HEATR5B: variants seen among roughly 807,000 people sequenced by gnomAD.
HEATR5B encodes HEAT repeat containing 5B.
In HEATR5B, 156 loss-of-function variants were observed where a neutral mutation model predicts 224.1. That is an observed-to-expected ratio of 0.70 (90% CI 0.61 to 0.80). The LOEUF is 0.80. HEATR5B is among the 30% of genes least tolerant of loss of function. The pLI is 0.00. For missense variants in HEATR5B, 2,323 were observed against 2,535.5 expected, an observed-to-expected ratio of 0.92 and a Z score of 1.80; for synonymous variants, 1,027 against 893.0, an observed-to-expected ratio of 1.15 and a Z score of -2.68.
chr2:37,007,269 C>A lies in HEATR5B; in HGVS notation c.4558G>T (p.Ala1520Ser), dbSNP rs1482952689. 1 of 1,612,968 alleles carries A rather than the reference C, an allele frequency of 6.2e-7. No homozygotes were observed. The highest frequency in any genetic ancestry group is 1.1e-5 in the South Asian group (1 of 91,044). The change falls in exon 29 of 36, where the codon GCT (alanine) becomes TCT (serine). Residue 1520 changes from alanine (A) to serine (S), a missense_variant. Transcript: ENST00000233099. The part of the protein sequence containing the change: ...AFYTPETIDT[A>S]RLHYRNSWAP... The stretch of plus-strand genomic sequence containing the variant: ...CAGGAATTCCGATAGTGAAGTCTAG[C>A]TGTATCAATAGTTTCAGGGGTATAA...
Position 37,040,441 on chromosome 2 carries a change from T to C in HEATR5B, c.2934A>G (p.Leu978=). 6.2e-7 allele frequency: 1 copy of C among 1,614,056 alleles called. No individual in the cohort carries two copies. The highest frequency in any genetic ancestry group is 8.5e-7 in the Non-Finnish European group (1 of 1,179,936). The part of the protein sequence containing the change: ...PMYRGYVEPT[L]SLVLTLLLTV... ...TCAACAGCAAGGTAAGAACTAGAGA[T>C]AATGTTGGTTCCACATAGCCACGAT... Residue 978 remains leucine (L), a synonymous_variant, in exon 20 of 36, where the codon TTA becomes TTG. Coordinates refer to ENST00000233099, the MANE Select transcript of HEATR5B (RefSeq NM_019024.3).
At chr2:37,009,582 AAAG>A (rs1292879797) in intron 27 of HEATR5B, among the ~76,000 whole-genome samples, 6 of 151,698 alleles carry the variant, frequency 4.0e-5, no homozygotes, top group African/African-American at 9.7e-5. Flanking sequence ...TGTCTCAAAA[AAAG>A]AAAAAAAAAA....
intron 27 of HEATR5B, among the ~76,000 whole-genome samples, chr2:37,010,788 C>G (rs962207113): frequency 6.6e-6 from 1 of 151,900 alleles, no homozygotes; most frequent in African/African-American, 2.4e-5. Flanking sequence ...TGCCCAGCCA[C>G]TAACATTTTT....
intron 24 of HEATR5B, among the ~76,000 whole-genome samples, chr2:37,027,418 T>A (rs1452126679): frequency 6.6e-6 from 1 of 152,130 alleles, no homozygotes; most frequent in African/African-American, 2.4e-5. Flanking sequence ...AGATAAAAAA[T>A]AATAAGATAA....
chr2:37,009,521 G>A (rs1667654742), intron 27 of HEATR5B, among the ~76,000 whole-genome samples: 1 of 151,888 alleles, frequency 6.6e-6, no homozygotes, highest in South Asian at 2.1e-4. Flanking sequence ...AGGTTCCAGT[G>A]AGCTATGATC....
chr2:37,005,571 C>T, intron 30 of HEATR5B, 61 bp downstream of exon 30: 3 of 1,491,354 alleles, frequency 2.0e-6, no homozygotes, highest in Non-Finnish European at 2.8e-6. Flanking sequence ...TCCTTTTTTC[C>T]ATTGTAAAGC....
intron 18 of HEATR5B, 105 bp downstream of exon 18, chr2:37,049,548 T>C: frequency 1.0e-6 from 1 of 972,326 alleles, no homozygotes; most frequent in South Asian, 1.5e-5. Flanking sequence ...CACAAAATAT[T>C]ATCACATGCT....
At chr2:37,009,607 T>G (rs1309130246) in intron 27 of HEATR5B, among the ~76,000 whole-genome samples, 1 of 151,850 alleles carries the variant, frequency 6.6e-6, no homozygotes, top group Non-Finnish European at 1.5e-5. Context: ...TATATACAAC[T>G]CCATGATTTC....
chr2:36,990,619 T>C (rs1666263711), intron 34 of HEATR5B, 29 bp downstream of exon 34: 2 of 1,496,294 alleles, frequency 1.3e-6, no homozygotes, highest in East Asian at 2.3e-5. Context: ...GAAATGTTTT[T>C]ATCTATGTCT....
chr2:37,030,441 A>G (rs2148467640), intron 22 of HEATR5B, among the ~76,000 whole-genome samples: 1 of 152,348 alleles, frequency 6.6e-6, no homozygotes, highest in Middle Eastern at 3.4e-3. Flanking sequence ...AAATTAAGGG[A>G]AAATTAATTG....
At chr2:37,032,126 G>C (rs1325682136) in intron 22 of HEATR5B, among the ~76,000 whole-genome samples, 6 of 152,172 alleles carry the variant, frequency 3.9e-5, no homozygotes, top group South Asian at 2.1e-4. Flanking sequence ...ACCCAGAACT[G>C]GAAACCTTCA....
intron 35 of HEATR5B, among the ~76,000 whole-genome samples, chr2:36,983,375 A>C (rs1572721870): frequency 4.4e-5 from 1 of 22,576 alleles, no homozygotes; most frequent in South Asian, 1.7e-3. Flanking sequence ...TAAAAATACA[A>C]AAAAAAAAAA....
chr2:37,014,345 G>A (rs1667979654), intron 26 of HEATR5B, among the ~76,000 whole-genome samples: 1 of 151,712 alleles, frequency 6.6e-6, no homozygotes, highest in African/African-American at 2.4e-5. Context: ...TGTATTTTTA[G>A]TAGAGACGGG....
At chr2:37,054,815 G>A (rs975806362) in intron 16 of HEATR5B, among the ~76,000 whole-genome samples, 3 of 152,096 alleles carry the variant, frequency 2.0e-5, no homozygotes, top group African/African-American at 7.2e-5. Flanking sequence ...AAGAGAGTGA[G>A]AGAGCATTCT....
At chr2:37,037,145 G>GATAGATATATATATATATAT (rs1669536224) in intron 21 of HEATR5B, among the ~76,000 whole-genome samples, 1 of 89,134 alleles carries the variant, frequency 1.1e-5, no homozygotes, top group African/African-American at 3.8e-5. Context: ...CTAAAAATGT[G>GATAGATATATATATATATAT]ATATATATAT....
At chr2:37,035,946 T>TCAAAACCTAGG (rs1558761983) in intron 21 of HEATR5B, among the ~76,000 whole-genome samples, 1 of 152,092 alleles carries the variant, frequency 6.6e-6, no homozygotes, top group African/African-American at 2.4e-5. Flanking sequence ...TATACTCAAG[T>TCAAAACCTAGG]CAAAAACCTA....
chr2:37,077,140 A>C (rs918155074), intron 3 of HEATR5B, 121 bp from the exon 4 acceptor site: 30 of 719,886 alleles, frequency 4.2e-5, no homozygotes, highest in Non-Finnish European at 6.7e-5. Context: ...CCTTAATTTC[A>C]ACTATCAAAA....
rs1665869466 is a variant in HEATR5B, at chr2:36,985,296, G to GT, written c.5911+3349dup. On this transcript the variant is annotated intron_variant, in intron 35 of 35. Coordinates refer to ENST00000233099, the MANE Select transcript of HEATR5B (RefSeq NM_019024.3). ...CACCAATGAGACTTGTGTGCCTTTG[G>GT]TTTTTTATGGCATTTAGTCTTAGAT... Among the ~76,000 whole-genome samples, 3 of 152,044 alleles carry GT rather than the reference G, an allele frequency of 2.0e-5. No homozygotes were observed. The South Asian group carries it at 6.2e-4, about 32-fold the overall frequency.
intron 2 of HEATR5B, among the ~76,000 whole-genome samples, chr2:37,079,986 C>T (rs1013425280): frequency 6.6e-6 from 1 of 151,974 alleles, no homozygotes; most frequent in African/African-American, 2.4e-5. Context: ...TACTGTTTTA[C>T]GTGGATTAAT....
Sources: allele counts gnomAD v4.1 joint callset (sites outside exome capture counted in the v4.1 genomes callset), GRCh38; gene constraint gnomAD v4.1.1; transcripts MANE v1.5; gene names NCBI Gene and HGNC (gene_info 2026-07-23, HGNC 2026-07-21).